Variants in PDE11A observed in about 807,000 individuals in gnomAD.
PDE11A encodes dual 3',5'-cyclic-AMP and -GMP phosphodiesterase 11A.
A neutral mutation model predicts 100.5 loss-of-function variants in PDE11A; 100 were observed. That is an observed-to-expected ratio of 1.00 (90% CI 0.85 to 1.18). The LOEUF is 1.18. Among genes scored for constraint, PDE11A ranks in the 50% most tolerant of loss-of-function variants. The pLI, the probability that PDE11A is intolerant of heterozygous loss-of-function variation, is 0.00. For synonymous variants in PDE11A, 381 were observed against 420.8 expected, an observed-to-expected ratio of 0.91 and a Z score of 1.16; for missense variants, 1,141 against 1,152.6, an observed-to-expected ratio of 0.99 and a Z score of 0.15.
intron 1 of PDE11A, among the ~76,000 whole-genome samples, chr2:178,047,041 T>C (rs2086760144): frequency 7.1e-6 from 1 of 141,820 alleles, no homozygotes; most frequent in Admixed American, 7.1e-5. Context: ...CTTTCTGGGA[T>C]TTTTTTTTTT....
intron 2 of PDE11A, among the ~76,000 whole-genome samples, chr2:177,987,354 A>T (rs909777512): frequency 2.6e-5 from 4 of 152,214 alleles, no homozygotes; most frequent in Admixed American, 6.5e-5. Flanking sequence ...GTATTTTTCC[A>T]ACCATTCAAT....
At chr2:177,973,030 G>A (rs563097233) in intron 2 of PDE11A, among the ~76,000 whole-genome samples, 1 of 152,304 alleles carries the variant, frequency 6.6e-6, no homozygotes, top group African/African-American at 2.4e-5. Flanking sequence ...TAGCCCATTA[G>A]ATATATGTGG....
At chr2:178,004,825 A>G (rs1435682788) in intron 2 of PDE11A, among the ~76,000 whole-genome samples, 2 of 152,146 alleles carry the variant, frequency 1.3e-5, no homozygotes, top group African/African-American at 4.8e-5. Flanking sequence ...ACTATGATGC[A>G]TATCTACAGC....
chr2:178,057,747 G>C (rs1014313421), intron 1 of PDE11A, among the ~76,000 whole-genome samples: 2 of 152,158 alleles, frequency 1.3e-5, no homozygotes, highest in African/African-American at 4.8e-5. Flanking sequence ...AACAGTCACA[G>C]CCTGGAGCAT....
intron 2 of PDE11A, among the ~76,000 whole-genome samples, chr2:177,987,302 T>C (rs923153761): frequency 1.3e-5 from 2 of 152,240 alleles, no homozygotes; most frequent in African/African-American, 4.8e-5. Context: ...GTCAATTACA[T>C]ATTCCAAGTT....
At chr2:177,655,863 T>C (rs1313643657) in intron 19 of PDE11A, among the ~76,000 whole-genome samples, 1 of 152,244 alleles carries the variant, frequency 6.6e-6, no homozygotes, top group Non-Finnish European at 1.5e-5. Context: ...GTATGCAATA[T>C]ACAATATACA....
intron 9 of PDE11A, among the ~76,000 whole-genome samples, chr2:177,775,644 C>T (rs1574129577): frequency 1.3e-5 from 2 of 152,248 alleles, no homozygotes; most frequent in African/African-American, 4.8e-5. Flanking sequence ...TGGCCACACT[C>T]ATTTTTGTTC....
chr2:177,666,437 T>C (rs1014772263), intron 18 of PDE11A, among the ~76,000 whole-genome samples: 2 of 152,226 alleles, frequency 1.3e-5, no homozygotes, highest in African/African-American at 2.4e-5. Context: ...TTCTAAGTCA[T>C]ATGGTAACTC....
intron 2 of PDE11A, among the ~76,000 whole-genome samples, chr2:177,961,918 G>A (rs988647324): frequency 3.3e-5 from 5 of 151,886 alleles, no homozygotes; most frequent in African/African-American, 1.2e-4. Context: ...TTAGCTGAGT[G>A]TGGTGGCATG....
At chr2:177,707,385 C>T (rs1276877995) in intron 13 of PDE11A, among the ~76,000 whole-genome samples, 1 of 152,168 alleles carries the variant, frequency 6.6e-6, no homozygotes, top group Non-Finnish European at 1.5e-5. Flanking sequence ...TTGAATGATA[C>T]CAGGAACTCT....
chr2:177,840,347 G>T lies in PDE11A; in HGVS notation c.1404C>A (p.Asp468Glu). 6.2e-7 allele frequency: 1 copy of T among 1,613,370 alleles called. No individual in the cohort carries two copies. Among genetic ancestry groups the T allele is most frequent in the Non-Finnish European group, 8.5e-7 (1 of 1,179,280 alleles). The stretch of plus-strand genomic sequence containing the variant: ...CAGCAATGCTGTTATTTATTAGCCA[G>T]TCGGAGTATGATGATTTCTCCATGC... ...KESMEKSSYS[D>E]WLINNSIAEL... Residue 468 changes from aspartate to glutamate, a missense_variant, in exon 6 of 20, where the codon GAC becomes GAA. Asp to Glu is a conservative substitution (Grantham distance 45, BLOSUM62 2). Transcript: ENST00000286063.
intron 2 of PDE11A, among the ~76,000 whole-genome samples, chr2:178,099,212 G>A (rs2087531719): frequency 6.6e-6 from 1 of 151,962 alleles, no homozygotes; most frequent in South Asian, 2.1e-4. Flanking sequence ...GATCACTTGA[G>A]GCCAGGATTT....
At chr2:177,822,308 G>C (rs2083153666) in intron 6 of PDE11A, among the ~76,000 whole-genome samples, 2 of 151,470 alleles carry the variant, frequency 1.3e-5, no homozygotes. Flanking sequence ...TTTTGAAATG[G>C]ATATTCAGTT....
chr2:177,717,054 C>T (rs981722655), intron 12 of PDE11A, among the ~76,000 whole-genome samples: 2 of 152,192 alleles, frequency 1.3e-5, no homozygotes, highest in African/African-American at 4.8e-5. Context: ...CTTCCTAGAA[C>T]ATTTTCTATA....
chr2:177,634,388 C>CTT (rs1198925669), intron 19 of PDE11A, among the ~76,000 whole-genome samples: 7,874 of 60,958 alleles, frequency 0.13, 802 homozygotes, highest in African/African-American at 0.25. Context: ...TTTTCTCTCT[C>CTT]TCTTTTTTTT....
chr2:177,640,494 A>G (rs2080125021), intron 19 of PDE11A, among the ~76,000 whole-genome samples: 1 of 152,220 alleles, frequency 6.6e-6, no homozygotes, highest in Non-Finnish European at 1.5e-5. Context: ...ACAGATGCAA[A>G]GAGCATCTTC....
intron 2 of PDE11A, among the ~76,000 whole-genome samples, chr2:177,930,286 A>G (rs922990370): frequency 6.6e-6 from 1 of 152,246 alleles, no homozygotes; most frequent in African/African-American, 2.4e-5. Context: ...CAGACTGTGC[A>G]TGCTCATAAA....
Position 177,979,169 on chromosome 2 carries a change from T to C in PDE11A, c.1071+35133A>G, listed in dbSNP as rs956047374. Among the ~76,000 whole-genome samples, 6 of 150,514 alleles carry C rather than the reference T, an allele frequency of 4.0e-5. No homozygotes were observed. The East Asian group carries it at 1.2e-3, about 29-fold the overall frequency. Reference sequence around the variant, plus strand: ...CCCCTTTCCCCAACCCCTTTGGATGTGTCTATGGTTCACCATAGCATGCAT... The same window carrying C: ...CCCCTTTCCCCAACCCCTTTGGATGCGTCTATGGTTCACCATAGCATGCAT... On this transcript the variant is annotated intron_variant, in intron 2 of 19. Transcript: ENST00000286063.
chr2:177,716,891 C>T (rs897125632), intron 12 of PDE11A, among the ~76,000 whole-genome samples: 1 of 152,128 alleles, frequency 6.6e-6, no homozygotes, highest in Non-Finnish European at 1.5e-5. Flanking sequence ...TTTAAGCCAT[C>T]AGTTATCACC....
Sources: gnomAD v4.1 joint callset for allele counts (sites outside exome capture counted in the v4.1 genomes callset) on GRCh38, gnomAD v4.1.1 for gene constraint, MANE v1.5 for transcripts, NCBI Gene and HGNC (gene_info 2026-07-23, HGNC 2026-07-21) for gene names.